ACAP2: variants seen among roughly 807,000 people sequenced by gnomAD.
The protein encoded by ACAP2 is arf-GAP with coiled-coil, ANK repeat and PH domain-containing protein 2.
In ACAP2, 39 loss-of-function variants were observed where a neutral mutation model predicts 115.8. The observed-to-expected ratio is 0.34, with a 90% CI of 0.26 to 0.44. The LOEUF is 0.44. Among genes scored for constraint, ACAP2 ranks in the 20% least tolerant of loss-of-function variants. The pLI, the probability that ACAP2 is intolerant of heterozygous loss-of-function variation, is 1.00. For synonymous variants in ACAP2, 289 were observed against 315.8 expected (o/e 0.92, Z 0.90); for missense variants, 662 against 927.6 (o/e 0.71, Z 3.72).
intron 1 of ACAP2, chr3:195,412,888 G>A (rs1427988987): frequency 6.6e-6 from 3 of 456,174 alleles, no homozygotes; most frequent in Non-Finnish European, 8.8e-6. Flanking sequence ...AACAGCAAGC[G>A]GTAAAACAAG....
At chr3:195,374,708 TTTC>T (rs1733398344) in intron 4 of ACAP2, among the ~76,000 whole-genome samples, 1 of 151,718 alleles carries the variant, frequency 6.6e-6, no homozygotes, top group Non-Finnish European at 1.5e-5. Context: ...CAGAAGACCT[TTTC>T]TTTTCTTTTC....
chr3:195,354,477 C>T (rs1028580866), intron 4 of ACAP2, among the ~76,000 whole-genome samples: 1 of 152,092 alleles, frequency 6.6e-6, no homozygotes, highest in African/African-American at 2.4e-5. Context: ...ACATGTATGT[C>T]TTCTTTTGAG....
In ACAP2 at chr3:195,358,374, A is replaced by C. The variant is rs1435304977; in HGVS notation, c.286-13057T>G. Among the ~76,000 whole-genome samples the C allele has an allele frequency of 1.3e-5, 2 of 152,124 alleles. 1 individual carries two copies. Among genetic ancestry groups the C allele is most frequent in the African/African-American group, 4.8e-5 (2 of 41,426 alleles). On this transcript the variant is annotated intron_variant, in intron 4 of 22. Coordinates refer to ENST00000326793, the MANE Select transcript of ACAP2 (RefSeq NM_012287.6). Reference sequence around the variant, plus strand: ...AGACCATTGAAGAAAACATAACCTCATCAAAAGAACTAAATAAGGCACCAG... The same window carrying C: ...AGACCATTGAAGAAAACATAACCTCCTCAAAAGAACTAAATAAGGCACCAG...
intron 7 of ACAP2, 71 bp from the exon 8 acceptor site, chr3:195,333,194 A>T: frequency 1.6e-6 from 1 of 633,974 alleles, no homozygotes; most frequent in Non-Finnish European, 2.4e-6. Flanking sequence ...TTACATATAT[A>T]TATAAAAATA....
intron 19 of ACAP2, 111 bp from the exon 20 acceptor site, chr3:195,291,926 C>T: frequency 1.1e-6 from 1 of 904,742 alleles, no homozygotes; most frequent in Non-Finnish European, 1.6e-6. Flanking sequence ...TTTCCATTTC[C>T]TTCTCTCCAA....
At chr3:195,326,661 A>C (rs1482377083) in intron 9 of ACAP2, 1 of 440,638 alleles carries the variant, frequency 2.3e-6, no homozygotes, top group Non-Finnish European at 4.1e-6. Flanking sequence ...AAATTTTTAT[A>C]AACTGGTTCA....
chr3:195,378,896 T>C (rs1431602839), intron 4 of ACAP2, among the ~76,000 whole-genome samples: 4 of 151,860 alleles, frequency 2.6e-5, no homozygotes, highest in Non-Finnish European at 5.9e-5. Context: ...CAAAAGTTTA[T>C]CTTAATCATA....
rs1376516908 is a variant in ACAP2 at position 195,378,090 on chromosome 3, G to GGAAGCA, written c.285+2918_285+2919insTGCTTC. Reference sequence around the variant, plus strand: ...AGGGAGGGAGGAAGGGAGGAAGGGAGGAGGAGGAAGGGAGGAAGGAAGGAG... The same window carrying GGAAGCA: ...AGGGAGGGAGGAAGGGAGGAAGGGAGGAAGCAGAGGAGGAAGGGAGGAAGGAAGGAG... On this transcript the variant is annotated intron_variant, in intron 4 of 22. Transcript: ENST00000326793. 1.4e-4 allele frequency among the ~76,000 whole-genome samples: 20 copies of GGAAGCA among 138,834 alleles called. No homozygotes were observed. The East Asian group carries it at 2.7e-3, about 19-fold the overall frequency. The allele number at this position is 138,834 out of a possible 152,430, so 91.1% of individuals were successfully genotyped here. A position where few individuals can be genotyped will look rare whatever the true frequency, so the allele number is the denominator to read the frequency against.
intron 8 of ACAP2, among the ~76,000 whole-genome samples, chr3:195,328,115 A>G (rs563347558): frequency 6.6e-6 from 1 of 152,208 alleles, no homozygotes; most frequent in South Asian, 2.1e-4. Flanking sequence ...ATACATTATT[A>G]ATTATGTGGG....
At chr3:195,372,983 A>G (rs952725117) in intron 4 of ACAP2, among the ~76,000 whole-genome samples, 1 of 133,466 alleles carries the variant, frequency 7.5e-6, no homozygotes, top group African/African-American at 3.0e-5. Context: ...GCGAGACTCC[A>G]TCTCAAAAAA....
At chr3:195,409,614 G>A (rs1191255351) in intron 1 of ACAP2, among the ~76,000 whole-genome samples, 3 of 151,970 alleles carry the variant, frequency 2.0e-5, no homozygotes, top group African/African-American at 7.2e-5. Flanking sequence ...AGTGGCTCAC[G>A]CCTGTAATCT....
chr3:195,334,670 A>G (rs1730387135), intron 7 of ACAP2, among the ~76,000 whole-genome samples: 1 of 152,180 alleles, frequency 6.6e-6, no homozygotes, highest in Admixed American at 6.5e-5. Flanking sequence ...TTTCTATCCA[A>G]CAAACTAGGG....
rs532109853 is a variant in ACAP2 at position 195,439,787 on chromosome 3, C to T, written c.53+3008G>A. Reference sequence around the variant, plus strand: ...GATTACAGGTGCACACTACCACACCCGGCTAATTTTTGTATTTTTAGTAGA... The same window carrying T: ...GATTACAGGTGCACACTACCACACCTGGCTAATTTTTGTATTTTTAGTAGA... On this transcript the variant is annotated intron_variant, in intron 1 of 22. Coordinates refer to ENST00000326793, the MANE Select transcript of ACAP2 (RefSeq NM_012287.6). 3.3e-5 allele frequency among the ~76,000 whole-genome samples: 5 copies of T among 151,946 alleles called. No homozygotes were observed. The South Asian group carries it at 8.3e-4, about 25-fold the overall frequency.
rs527879071 is a variant in ACAP2 at position 195,439,053 on chromosome 3, C to T, written c.53+3742G>A. Among the ~76,000 whole-genome samples, 37 of 140,108 alleles carry T rather than the reference C, an allele frequency of 2.6e-4. 1 individual carries two copies. The highest frequency in any genetic ancestry group is 4.3e-4 in the Non-Finnish European group (28 of 65,202). 91.9% of individuals were successfully genotyped at this position (140,108 alleles called of 152,430 possible). A position where few individuals can be genotyped will look rare whatever the true frequency, so the allele number is the denominator to read the frequency against. On this transcript the variant is annotated intron_variant, in intron 1 of 22. Transcript: ENST00000326793. ...TCCAGCTTGGGCAACAAGAGCAGAA[C>T]TCTATCTCAAAAAAAAAAAGAATCA...
intron 1 of ACAP2, among the ~76,000 whole-genome samples, chr3:195,406,641 C>T (rs1712795426): frequency 6.6e-6 from 1 of 152,184 alleles, no homozygotes; most frequent in South Asian, 2.1e-4. Flanking sequence ...TTCTAAGCTA[C>T]AGGTTTGATC....
In ACAP2 at chr3:195,279,265, G is replaced by A. The variant is rs1045359206; in HGVS notation, c.*63C>T. On this transcript the variant is annotated 3_prime_UTR_variant, in exon 23 of 23. Transcript: ENST00000326793. ...AGAATTAAAGCAGTAAAAAAATTGT[G>A]ATTTTTTAGCTGTATACATTAGGGG... The A allele has an allele frequency of 1.8e-6, 2 of 1,123,570 alleles. No homozygotes were observed. The highest frequency in any genetic ancestry group is 2.5e-5 in the Admixed American group (1 of 39,408). The allele number at this position is 1,123,570 out of a possible 1,614,324, so 69.6% of individuals were successfully genotyped here.
At chr3:195,321,216 C>CTTTTTTT (rs34165362) in intron 9 of ACAP2, among the ~76,000 whole-genome samples, 5 of 102,240 alleles carry the variant, frequency 4.9e-5, no homozygotes, top group Non-Finnish European at 7.4e-5. Context: ...TTTATCACAA[C>CTTTTTTT]TTTTTTTTTT....
chr3:195,321,536 G>C (rs1729454228), intron 9 of ACAP2, among the ~76,000 whole-genome samples: 1 of 151,574 alleles, frequency 6.6e-6, no homozygotes, highest in South Asian at 2.1e-4. Flanking sequence ...ATTTTTTAAA[G>C]TATATGGTTA....
chr3:195,322,388 A>C (rs1480245690), intron 9 of ACAP2, among the ~76,000 whole-genome samples: 1 of 152,182 alleles, frequency 6.6e-6, no homozygotes, highest in Non-Finnish European at 1.5e-5. Flanking sequence ...GGGAAGGCAG[A>C]GGGACAACCA....
Sources: gnomAD v4.1 joint callset for allele counts (sites outside exome capture counted in the v4.1 genomes callset) on GRCh38, gnomAD v4.1.1 for gene constraint, MANE v1.5 for transcripts, NCBI Gene and HGNC (gene_info 2026-07-23, HGNC 2026-07-21) for gene names.